Variants in ANKRD13B observed in about 807,000 individuals in gnomAD.
The protein encoded by ANKRD13B is ankyrin repeat domain-containing protein 13B.
Under a neutral mutation model 74.4 loss-of-function variants are expected in ANKRD13B, and 33 were observed. The ratio of observed to expected loss-of-function variants is 0.44; its 90% CI spans 0.34 to 0.59. The LOEUF (loss-of-function observed/expected upper bound fraction) is 0.59. ANKRD13B is among the 20% of genes least tolerant of loss of function. The pLI, the probability that ANKRD13B is intolerant of heterozygous loss-of-function variation, is 0.02. For synonymous variants in ANKRD13B, 341 were observed against 362.9 expected, an observed-to-expected ratio of 0.94 and a Z score of 0.68; for missense variants, 676 against 877.9, an observed-to-expected ratio of 0.77 and a Z score of 2.91.
intron 1 of ANKRD13B, among the ~76,000 whole-genome samples, chr17:29,605,405 T>C (rs907723281): frequency 1.2e-4 from 17 of 144,658 alleles, no homozygotes; most frequent in Non-Finnish European, 2.5e-4. Context: ...TATATATATA[T>C]ACACACACAA....
At position 29,609,596 on chromosome 17, in the gene ANKRD13B, G is replaced by A. The variant is rs958376498; in HGVS notation, c.822+175G>A. 1.3e-5 allele frequency among the ~76,000 whole-genome samples: 2 copies of A among 152,248 alleles called. No homozygotes were observed. Among genetic ancestry groups the A allele is most frequent in the African/African-American group, 4.8e-5 (2 of 41,456 alleles). On this transcript the variant is annotated intron_variant, in intron 7 of 14. Transcript: ENST00000394859. The surrounding 1 kb of genome is among the most constrained non-coding windows in gnomAD (Gnocchi z 4.0). Reference sequence around the variant, plus strand: ...TGGTGTTTTATATGGATGTATGGATGTATACACAGGGCACGTGCACACGCA... The same window carrying A: ...TGGTGTTTTATATGGATGTATGGATATATACACAGGGCACGTGCACACGCA...
intron 1 of ANKRD13B, among the ~76,000 whole-genome samples, chr17:29,602,886 C>CTG (rs2150884842): frequency 6.6e-6 from 1 of 152,360 alleles, no homozygotes; most frequent in South Asian, 2.1e-4. Context: ...GAGTCTCCCT[C>CTG]TGTCGCCCAA....
At chr17:29,597,978 TAGCTGCAGC>T (rs2034012817) in intron 1 of ANKRD13B, among the ~76,000 whole-genome samples, 1 of 152,040 alleles carries the variant, frequency 6.6e-6, no homozygotes, top group South Asian at 2.1e-4. Flanking sequence ...AGGGTCTTAT[TAGCTGCAGC>T]GGCTGCGGCT....
At chr17:29,607,638 C>A (rs1471563293) in intron 1 of ANKRD13B, 104 bp from the exon 2 acceptor site, 1 of 1,473,554 alleles carries the variant, frequency 6.8e-7, no homozygotes, top group Non-Finnish European at 9.0e-7. Flanking sequence ...CAGAGCAGCC[C>A]CAGCAGGGGG....
rs773226141 is a variant in ANKRD13B at position 29,610,681 on chromosome 17, C to G, written c.823-4C>G. 1.2e-6 allele frequency: 2 copies of G among 1,613,824 alleles called. No individual in the cohort carries two copies. The highest frequency in any genetic ancestry group is 1.7e-6 in the Non-Finnish European group (2 of 1,179,840). ...TTATGAGCCCTTTCTTCATCTGTCC[C>G]CAGGTGTATGGGGCATCTAACGTGG... On this transcript the variant is annotated splice_polypyrimidine_tract_variant and splice_region_variant and intron_variant, in intron 7 of 14. Transcript: ENST00000394859.
rs2034730800 is a variant in ANKRD13B, at chr17:29,614,388, G to A, written c.*806G>A. ...CAAGTAGACTGGACACAAAGGGCTC[G>A]CCCAGGGCCCTGGCGCCACCCCCAC... On this transcript the variant is annotated 3_prime_UTR_variant, in exon 15 of 15. Transcript: ENST00000394859. The A allele has an allele frequency of 6.6e-6, 1 of 152,324 alleles. No homozygotes were observed. The highest frequency in any genetic ancestry group is 1.5e-5 in the Non-Finnish European group (1 of 68,174). 9.4% of individuals were successfully genotyped at this position (152,324 alleles called of 1,614,324 possible). A position where few individuals can be genotyped will look rare whatever the true frequency, so the allele number is the denominator to read the frequency against.
intron 1 of ANKRD13B, among the ~76,000 whole-genome samples, chr17:29,605,177 G>A (rs557116226): frequency 1.3e-5 from 2 of 152,020 alleles, no homozygotes; most frequent in Admixed American, 1.3e-4. Flanking sequence ...TTAATACCTT[G>A]GCTTCCCTGA....
In ANKRD13B at chr17:29,613,510, G is replaced by T; in HGVS notation, c.1809G>T (p.Glu603Asp). 6.5e-7 allele frequency: 1 copy of T among 1,528,536 alleles called. No homozygotes were observed. 94.7% of individuals were successfully genotyped at this position (1,528,536 alleles called of 1,614,324 possible). The change falls in exon 15 of 15, where the codon GAG becomes GAT. Residue 603 changes from glutamate to aspartate, a missense_variant. Physicochemically the swap from Glu to Asp is conservative, Grantham distance 45 (BLOSUM62 2). Coordinates refer to ENST00000394859, the MANE Select transcript of ANKRD13B (RefSeq NM_152345.5). ...AACTGTCGGCGCAGGAGCAGGAGGAGAGGCGGCGGCGCGCGCGCCAGGAGG... is the reference window on the plus strand; with the variant it reads ...AACTGTCGGCGCAGGAGCAGGAGGATAGGCGGCGGCGCGCGCGCCAGGAGG... ...AMELSAQEQE[E>D]RRRRARQEEE...
At position 29,593,440 on chromosome 17, in the gene ANKRD13B, TCGCCCGCGC is replaced by T. The variant is rs989640364; in HGVS notation, c.-174_-166del. 3 of 146,412 alleles carry T rather than the reference TCGCCCGCGC, an allele frequency of 2.0e-5. No homozygotes were observed. The highest frequency in any genetic ancestry group is 4.5e-5 in the Non-Finnish European group (3 of 66,836). 9.1% of individuals were successfully genotyped at this position (146,412 alleles called of 1,614,324 possible). A position where few individuals can be genotyped will look rare whatever the true frequency, so the allele number is the denominator to read the frequency against. On this transcript the variant is annotated 5_prime_UTR_variant, in exon 1 of 15. Transcript: ENST00000394859. The stretch of plus-strand genomic sequence containing the variant: ...CGCCGCCGCCTCGCGAGGACGCCCG[TCGCCCGCGC>T]CGCCCGCACCGCGCCGGGCGCGCCG...
chr17:29,602,409 A>AAG lies in ANKRD13B; in HGVS notation c.115-5332_115-5331insGA, dbSNP rs1209365944. Among the ~76,000 whole-genome samples the AAG allele has an allele frequency of 2.0e-5, 3 of 151,818 alleles. No homozygotes were observed. In the East Asian group the frequency reaches 5.8e-4, roughly 29 times the overall value. ...GATTCCATCTCAAAAAAAAAAAAAA[A>AAG]AAATTTATTCTGTCACAGTTCGGGA... On this transcript the variant is annotated intron_variant, in intron 1 of 14. Transcript: ENST00000394859.
Position 29,593,266 on chromosome 17 carries a change from T to G in ANKRD13B, c.-356T>G, listed in dbSNP as rs1042474683. On this transcript the variant is annotated 5_prime_UTR_variant, in exon 1 of 15. Coordinates refer to ENST00000394859, the MANE Select transcript of ANKRD13B (RefSeq NM_152345.5). ...CGGCGTCCCCGGGGCCCGCGTCCCG[T>G]GCGCCCCCGCGCCCGCTGCGGGCGC... Among the ~76,000 whole-genome samples the G allele has an allele frequency of 6.7e-6, 1 of 148,578 alleles. No individual in the cohort carries two copies. The highest frequency in any genetic ancestry group is 1.5e-5 in the Non-Finnish European group (1 of 66,604).
Position 29,613,480 on chromosome 17 carries a change from GAT to G in ANKRD13B, c.1780_1781del (p.Met594GlyfsTer128). The G allele has an allele frequency of 6.5e-7, 1 of 1,532,728 alleles. No individual in the cohort carries two copies. The highest frequency in any genetic ancestry group is 1.4e-5 in the African/African-American group (1 of 70,756). The allele number at this position is 1,532,728 out of a possible 1,614,324, so 94.9% of individuals were successfully genotyped here. ...RSYDEQLRLA[M>X]ELSAQEQEER... ...GCTACGACGAGCAGCTGCGGCTGGC[GAT>G]GGAACTGTCGGCGCAGGAGCAGGAG... On this transcript the variant is annotated frameshift_variant, in exon 15 of 15. Coordinates refer to ENST00000394859, the MANE Select transcript of ANKRD13B (RefSeq NM_152345.5). LOFTEE classifies it high-confidence loss of function.
chr17:29,607,532 T>A (rs186745243), intron 1 of ANKRD13B, among the ~76,000 whole-genome samples: 1 of 152,366 alleles, frequency 6.6e-6, no homozygotes, highest in East Asian at 1.9e-4. Flanking sequence ...TCTAAGCCCC[T>A]TTCCATCCAC....
intron 2 of ANKRD13B, 23 bp from the exon 3 acceptor site, chr17:29,607,963 G>A (rs567971677): frequency 6.3e-7 from 1 of 1,595,042 alleles, no homozygotes; most frequent in Non-Finnish European, 8.6e-7. Flanking sequence ...CCTGCCCTGT[G>A]ACCTTGCCTC....
intron 7 of ANKRD13B, 24 bp from the exon 8 acceptor site, chr17:29,610,661 A>AG: frequency 3.7e-6 from 6 of 1,612,008 alleles, no homozygotes; most frequent in Non-Finnish European, 5.1e-6. Flanking sequence ...ACTGCTTATG[A>AG]GCCCTTTCTT....
Position 29,602,352 on chromosome 17 carries a change from G to A in ANKRD13B, c.115-5390G>A, listed in dbSNP as rs554231688. Among the ~76,000 whole-genome samples, 6 of 145,820 alleles carry A rather than the reference G, an allele frequency of 4.1e-5. No individual in the cohort carries two copies. The East Asian group carries it at 7.9e-4, about 19-fold the overall frequency. On this transcript the variant is annotated intron_variant, in intron 1 of 14. Coordinates refer to ENST00000394859, the MANE Select transcript of ANKRD13B (RefSeq NM_152345.5). ...GGAGCTTACAGTGAGCTGAGATCAC[G>A]CCACTGCACTCCAGCCTGGGCGACA...
rs555922778 is a variant in ANKRD13B at position 29,607,635 on chromosome 17, G to A, written c.115-107G>A. 3.0e-5 allele frequency: 43 copies of A among 1,451,620 alleles called. No individual in the cohort carries two copies. The South Asian group carries it at 3.2e-4, about 11-fold the overall frequency. The allele number at this position is 1,451,620 out of a possible 1,614,324, so 89.9% of individuals were successfully genotyped here. A position where few individuals can be genotyped will look rare whatever the true frequency, so the allele number is the denominator to read the frequency against. ...CTTGTGAGGTTGGTGAGGCAGAGCA[G>A]CCCCAGCAGGGGGTGGGGGTTGCTG... is the stretch of plus-strand genomic sequence containing the variant. On this transcript the variant is annotated intron_variant, in intron 1 of 14. Transcript: ENST00000394859.
intron 1 of ANKRD13B, among the ~76,000 whole-genome samples, chr17:29,599,959 C>G (rs749056908): frequency 7.3e-6 from 1 of 137,872 alleles, no homozygotes; most frequent in African/African-American, 2.7e-5. Context: ...TCACTGCAAG[C>G]TCCGCCTCCC....
chr17:29,598,599 A>G (rs547955396), intron 1 of ANKRD13B, among the ~76,000 whole-genome samples: 1 of 146,956 alleles, frequency 6.8e-6, no homozygotes, highest in South Asian at 2.2e-4. Context: ...CCCAGGCTGG[A>G]GTGCAGTAGT....
Sources: gnomAD v4.1 joint callset for allele counts (sites outside exome capture counted in the v4.1 genomes callset) on GRCh38, gnomAD v4.1.1 for gene constraint, Gnocchi (gnomAD v3.1) non-coding constraint, MANE v1.5 for transcripts, NCBI Gene and HGNC (gene_info 2026-07-23, HGNC 2026-07-21) for gene names.